Variants in ACACA observed in about 807,000 individuals in gnomAD.
ACACA encodes acetyl-CoA carboxylase alpha, also known as acetyl-CoA carboxylase 1.
In ACACA, 103 loss-of-function variants were observed where a neutral mutation model predicts 296.1. The observed-to-expected ratio is 0.35, with a 90% CI of 0.30 to 0.41. The LOEUF (loss-of-function observed/expected upper bound fraction) is 0.41, where lower values mean the gene tolerates loss of function less well. ACACA is among the 10% of genes least tolerant of loss of function. The pLI is 1.00. For missense variants in ACACA, 1,554 were observed against 2,989.7 expected (o/e 0.52, Z 11.20); for synonymous variants, 953 against 1,038.6 (o/e 0.92, Z 1.58).
intron 1 of ACACA, among the ~76,000 whole-genome samples, chr17:37,347,683 G>A (rs1342534272): frequency 7.5e-5 from 11 of 147,248 alleles, no homozygotes; most frequent in Admixed American, 4.1e-4. Flanking sequence ...CAGGAGGGTC[G>A]CTTGAGTCCA....
At chr17:37,311,871 C>CAAA (rs758323265) in intron 3 of ACACA, among the ~76,000 whole-genome samples, 8 of 67,462 alleles carry the variant, frequency 1.2e-4, no homozygotes, top group African/African-American at 2.5e-4. Flanking sequence ...GACCCTGTCT[C>CAAA]AAAAAAAAAA....
chr17:37,385,799 A>G (rs1262200975), intron 1 of ACACA, among the ~76,000 whole-genome samples: 1 of 152,152 alleles, frequency 6.6e-6, no homozygotes, highest in Non-Finnish European at 1.5e-5. Flanking sequence ...TAAAAGTCCC[A>G]TGGGCATTTA....
chr17:37,332,859 G>A (rs537381187), intron 2 of ACACA, among the ~76,000 whole-genome samples: 9 of 150,316 alleles, frequency 6.0e-5, no homozygotes, highest in African/African-American at 2.2e-4. Flanking sequence ...GCAGTGAGCT[G>A]AGATCATGCC....
At chr17:37,382,091 C>A (rs1179144468) in intron 1 of ACACA, among the ~76,000 whole-genome samples, 2 of 151,924 alleles carry the variant, frequency 1.3e-5, no homozygotes, top group East Asian at 3.8e-4. Flanking sequence ...TACTCAGTAT[C>A]TATATATATT....
At chr17:37,398,090 C>T (rs2051139541) in intron 1 of ACACA, among the ~76,000 whole-genome samples, 1 of 151,360 alleles carries the variant, frequency 6.6e-6, no homozygotes, top group African/African-American at 2.4e-5. Context: ...ATTAGCTGGG[C>T]GTGGTGGCGC....
intron 3 of ACACA, among the ~76,000 whole-genome samples, chr17:37,285,871 G>A (rs1369117013): frequency 6.6e-6 from 1 of 152,042 alleles, no homozygotes; most frequent in Non-Finnish European, 1.5e-5. Context: ...TACAATTGAT[G>A]CCTTATTAAA....
intron 11 of ACACA, among the ~76,000 whole-genome samples, chr17:37,260,292 ATATATTTTT>A (rs1280329262): frequency 1.3e-3 from 21 of 16,438 alleles, no homozygotes; most frequent in Non-Finnish European, 1.5e-3. Flanking sequence ...ATATATATAT[ATATATTTTT>A]TTTTTTTTTT....
intron 1 of ACACA, among the ~76,000 whole-genome samples, chr17:37,376,703 C>T (rs1211122482): frequency 2.6e-5 from 4 of 152,086 alleles, no homozygotes; most frequent in Non-Finnish European, 4.4e-5. Flanking sequence ...GACTGTAATC[C>T]CAGCACTTTG....
At position 37,406,602 on chromosome 17, in the gene ACACA, A is replaced by C; in HGVS notation, c.-303T>G. ...CTCGGCCCGCCTCACCGCACTCCGG[A>C]GGGGACCAAACAGCCCCACGCGCCA... On this transcript the variant is annotated 5_prime_UTR_variant, in exon 1 of 56. Coordinates refer to ENST00000616317, the MANE Select transcript of ACACA (RefSeq NM_198834.3). 1.8e-6 allele frequency: 1 copy of C among 557,472 alleles called. No homozygotes were observed. Among genetic ancestry groups the C allele is most frequent in the South Asian group, 2.0e-5 (1 of 49,790 alleles). The allele number at this position is 557,472 out of a possible 1,614,324, so 34.5% of individuals were successfully genotyped here.
intron 25 of ACACA, among the ~76,000 whole-genome samples, chr17:37,233,950 G>A (rs181878382): frequency 3.9e-5 from 6 of 152,286 alleles, no homozygotes; most frequent in African/African-American, 1.4e-4. Context: ...TAAAAAATGT[G>A]ATACGCTTTA....
intron 54 of ACACA, among the ~76,000 whole-genome samples, chr17:37,094,213 T>G (rs1052238840): frequency 1.3e-5 from 2 of 152,162 alleles, no homozygotes; most frequent in African/African-American, 4.8e-5. Flanking sequence ...AATCCTACTA[T>G]TTCCTACAGT....
chr17:37,134,160 C>T (rs142259448), intron 45 of ACACA, among the ~76,000 whole-genome samples: 15 of 152,324 alleles, frequency 9.8e-5, no homozygotes, highest in African/African-American at 2.6e-4. Flanking sequence ...TGCAGTCATA[C>T]GTCCATGCTC....
chr17:37,240,559 C>A lies in ACACA; in HGVS notation c.3038G>T (p.Arg1013Leu). 6.2e-7 allele frequency: 1 copy of A among 1,612,178 alleles called. No homozygotes were observed. The highest frequency in any genetic ancestry group is 1.1e-5 in the South Asian group (1 of 90,900). ...QSIVQLVQRY[R>L]SGIRGHMKAV... Reference sequence around the variant, plus strand: ...CTTCATGTGGCCTCGGATGCCACTTCGGTACCTAGGCAAATAGAAAGTCTC... The same window carrying A: ...CTTCATGTGGCCTCGGATGCCACTTAGGTACCTAGGCAAATAGAAAGTCTC... The change falls in exon 24 of 56, where the codon CGA becomes CTA. Residue 1013 changes from arginine (R) to leucine (L), a missense_variant. Arg to Leu is a moderately radical substitution (Grantham distance 102, BLOSUM62 -2). Around this residue, in one of 16 missense-constraint regions of ACACA, gnomAD observed 316 missense variants for 540.9 expected, o/e 0.58. Coordinates refer to ENST00000616317, the MANE Select transcript of ACACA (RefSeq NM_198834.3).
intron 1 of ACACA, among the ~76,000 whole-genome samples, chr17:37,391,200 T>A (rs1478413445): frequency 6.6e-6 from 1 of 152,148 alleles, no homozygotes; most frequent in Non-Finnish European, 1.5e-5. Context: ...ATCACACCAC[T>A]GCACTGCAGC....
intron 1 of ACACA, among the ~76,000 whole-genome samples, chr17:37,348,674 T>C (rs1231198951): frequency 6.6e-6 from 1 of 152,080 alleles, no homozygotes; most frequent in Non-Finnish European, 1.5e-5. Context: ...ACATAATTCA[T>C]TTTACAAACA....
chr17:37,389,822 G>A (rs1357984032), intron 1 of ACACA, among the ~76,000 whole-genome samples: 1 of 151,794 alleles, frequency 6.6e-6, no homozygotes, highest in Non-Finnish European at 1.5e-5. Context: ...CAGTTATGAA[G>A]CAAATGTGGG....
chr17:37,212,855 T>C (rs1406818024), intron 29 of ACACA, among the ~76,000 whole-genome samples: 3 of 149,432 alleles, frequency 2.0e-5, no homozygotes, highest in African/African-American at 4.9e-5. Flanking sequence ...AAATGTGGCA[T>C]ATCGCACACT....
intron 18 of ACACA, among the ~76,000 whole-genome samples, chr17:37,247,555 C>T (rs1257668371): frequency 6.6e-6 from 1 of 152,076 alleles, no homozygotes; most frequent in Non-Finnish European, 1.5e-5. Flanking sequence ...TTAGTAGAGA[C>T]AGGGTTTCAC....
At chr17:37,208,430 T>C (rs2078605357) in intron 30 of ACACA, among the ~76,000 whole-genome samples, 1 of 152,214 alleles carries the variant, frequency 6.6e-6, no homozygotes, top group Non-Finnish European at 1.5e-5. Flanking sequence ...TTGGTAGGCA[T>C]AGTTATTGGG....
Sources: allele counts gnomAD v4.1 joint callset (sites outside exome capture counted in the v4.1 genomes callset), GRCh38; gene constraint gnomAD v4.1.1; regional missense constraint gnomAD v4.1.1; transcripts MANE v1.5; gene names NCBI Gene and HGNC (gene_info 2026-07-23, HGNC 2026-07-21).